Variants in CD160 observed in about 807,000 individuals in gnomAD.
CD160 encodes the protein CD160 antigen.
In CD160, 11 loss-of-function variants were observed where a neutral mutation model predicts 19.2. The observed-to-expected ratio is 0.57, with a 90% CI of 0.36 to 0.95. The LOEUF (loss-of-function observed/expected upper bound fraction) is 0.95. Ranked by LOEUF, CD160 falls within the 40% of genes least tolerant of loss-of-function variation. The pLI, the probability that CD160 is intolerant of heterozygous loss-of-function variation, is 0.01. For synonymous variants in CD160, 75 were observed against 81.1 expected (o/e 0.93, Z 0.40); for missense variants, 182 against 213.2 (o/e 0.85, Z 0.91).
chr1:145,732,391 G>A (rs190294062), intron 4 of CD160, among the ~76,000 whole-genome samples: 2 of 152,230 alleles, frequency 1.3e-5, no homozygotes, highest in Admixed American at 6.5e-5. Flanking sequence ...AGTCTAACAA[G>A]GAAGTTCTAG....
chr1:145,728,061 C>T (rs113338650), intron 2 of CD160, among the ~76,000 whole-genome samples, 195 bp from the exon 3 acceptor site: 283 of 152,140 alleles, frequency 1.9e-3, no homozygotes, highest in Admixed American at 8.3e-3. Context: ...TTAGTGTCTC[C>T]CTATGCCCCT....
intron 5 of CD160, chr1:145,737,883 A>C (rs1657557420): frequency 6.6e-6 from 1 of 152,180 alleles, no homozygotes; most frequent in Non-Finnish European, 1.5e-5. Flanking sequence ...TAACCAAAGG[A>C]AAAAACCAAA....
chr1:145,731,670 C>CA (rs1559093904), intron 4 of CD160, among the ~76,000 whole-genome samples: 1 of 151,784 alleles, frequency 6.6e-6, no homozygotes, highest in African/African-American at 2.4e-5. Flanking sequence ...AACTGTGTCT[C>CA]AAAAAAATAA....
chr1:145,737,929 C>T (rs1165095037), intron 5 of CD160: 1 of 152,190 alleles, frequency 6.6e-6, no homozygotes, highest in Non-Finnish European at 1.5e-5. Flanking sequence ...ATATACACTA[C>T]TTAGAAGCTT....
chr1:145,733,386 G>A (rs988860924), intron 4 of CD160, among the ~76,000 whole-genome samples: 4 of 152,130 alleles, frequency 2.6e-5, no homozygotes, highest in East Asian at 3.9e-4. Context: ...TGATCTATCC[G>A]CCTCAGCCTA....
In CD160 at chr1:145,738,538, G is replaced by A. The variant is rs1559097262; in HGVS notation, c.*45G>A. The A allele has an allele frequency of 7.9e-7, 1 of 1,262,352 alleles. No homozygotes were observed. The highest frequency in any genetic ancestry group is 1.0e-6 in the Non-Finnish European group (1 of 973,688). The allele number at this position is 1,262,352 out of a possible 1,614,324, so 78.2% of individuals were successfully genotyped here. ...TTTTAAAACAGCTACAGCAAGATGAGTCTGACTATGGCTTAGTATCTTTCT... is the reference window on the plus strand; with the variant it reads ...TTTTAAAACAGCTACAGCAAGATGAATCTGACTATGGCTTAGTATCTTTCT... On this transcript the variant is annotated 3_prime_UTR_variant, in exon 6 of 6. Coordinates refer to ENST00000369288, the MANE Select transcript of CD160 (RefSeq NM_007053.4).
chr1:145,733,849 C>T (rs782350340), intron 4 of CD160, among the ~76,000 whole-genome samples: 27 of 152,162 alleles, frequency 1.8e-4, no homozygotes, highest in Non-Finnish European at 3.1e-4. Flanking sequence ...CATCTACCCA[C>T]GATTTAAACC....
chr1:145,733,163 T>C (rs587624835), intron 4 of CD160, among the ~76,000 whole-genome samples: 1 of 152,104 alleles, frequency 6.6e-6, no homozygotes, highest in Non-Finnish European at 1.5e-5. Context: ...AGACAGACTC[T>C]CACTCTGTGG....
Position 145,736,138 on chromosome 1 carries a change from T to C in CD160, c.538+4T>C, listed in dbSNP as rs372472706. On this transcript the variant is annotated splice_donor_region_variant and intron_variant, in intron 5 of 5. Transcript: ENST00000369288. ...ACCAGCCTTGTGGCCCTTCAAGGTATGTCCAAAAGAGCCGTAAGCACCCCA... is the reference window on the plus strand; with the variant it reads ...ACCAGCCTTGTGGCCCTTCAAGGTACGTCCAAAAGAGCCGTAAGCACCCCA... 3.7e-6 allele frequency: 6 copies of C among 1,614,066 alleles called. No individual in the cohort carries two copies. The African/African-American group carries it at 8.0e-5, about 22-fold the overall frequency.
Position 145,738,633 on chromosome 1 carries a change from G to A in CD160, c.*140G>A. The A allele has an allele frequency of 1.9e-6, 1 of 531,040 alleles. No individual in the cohort carries two copies. Among genetic ancestry groups the A allele is most frequent in the South Asian group, 7.1e-5 (1 of 14,118 alleles). 32.9% of individuals were successfully genotyped at this position (531,040 alleles called of 1,614,324 possible). A position where few individuals can be genotyped will look rare whatever the true frequency, so the allele number is the denominator to read the frequency against. On this transcript the variant is annotated 3_prime_UTR_variant, in exon 6 of 6. Transcript: ENST00000369288. The stretch of plus-strand genomic sequence containing the variant: ...GAGATGCTAAATATACCAAGAATCT[G>A]TGGAAATATAAGCTGGGGCAAATCA...
intron 2 of CD160, among the ~76,000 whole-genome samples, chr1:145,726,117 A>G (rs9659725): frequency 0.013 from 2,053 of 152,320 alleles, 27 homozygotes; most frequent in Middle Eastern, 0.078. Context: ...AGAAATAGGA[A>G]TGCTTTTACA....
At chr1:145,722,490 C>T (rs1050939549) in intron 1 of CD160, among the ~76,000 whole-genome samples, 1 of 152,186 alleles carries the variant, frequency 6.6e-6, no homozygotes, top group Non-Finnish European at 1.5e-5. Flanking sequence ...ATAGATGCTC[C>T]GTGTTTCTGA....
rs1454063650 is a variant in CD160 at position 145,739,236 on chromosome 1, G to A, written c.*743G>A. 9 of 152,254 alleles carry A rather than the reference G, an allele frequency of 5.9e-5. No individual in the cohort carries two copies. Among genetic ancestry groups the A allele is most frequent in the African/African-American group, 2.2e-4 (9 of 41,452 alleles). The allele number at this position is 152,254 out of a possible 1,614,324, so 9.4% of individuals were successfully genotyped here. ...GATGACCTCTTGTCATAGTTAAGCAGAGAGTGGGCAGGATATTCCTGATAG... is the reference window on the plus strand; with the variant it reads ...GATGACCTCTTGTCATAGTTAAGCAAAGAGTGGGCAGGATATTCCTGATAG... On this transcript the variant is annotated 3_prime_UTR_variant, in exon 6 of 6. Coordinates refer to ENST00000369288, the MANE Select transcript of CD160 (RefSeq NM_007053.4).
chr1:145,734,101 C>T (rs1358974348), intron 4 of CD160, among the ~76,000 whole-genome samples: 2 of 152,114 alleles, frequency 1.3e-5, no homozygotes, highest in African/African-American at 2.4e-5. Context: ...GCTGTTCTTC[C>T]GCACAGCAGT....
chr1:145,723,313 C>T (rs147773615), intron 1 of CD160, among the ~76,000 whole-genome samples: 381 of 152,168 alleles, frequency 2.5e-3, no homozygotes, highest in African/African-American at 8.4e-3. Context: ...AGGTCCTATT[C>T]GGAATGTTGT....
At chr1:145,720,105 C>G (rs1553707617) in intron 1 of CD160, among the ~76,000 whole-genome samples, 9 of 152,198 alleles carry the variant, frequency 5.9e-5, no homozygotes, top group Non-Finnish European at 5.9e-5. Flanking sequence ...AATTTGCCAT[C>G]AATAGAAAAC....
intron 4 of CD160, 124 bp downstream of exon 4, chr1:145,731,194 A>G: frequency 1.4e-6 from 1 of 736,438 alleles, no homozygotes; most frequent in Admixed American, 2.3e-5. Flanking sequence ...CTTTTCCAAC[A>G]TCCCCATTGG....
intron 1 of CD160, among the ~76,000 whole-genome samples, chr1:145,721,721 TCTC>T (rs200971174): frequency 0.023 from 3,515 of 152,090 alleles, 153 homozygotes; most frequent in African/African-American, 0.08. Context: ...GGAAGCCAGA[TCTC>T]CTCAGCCCAT....
intron 2 of CD160, among the ~76,000 whole-genome samples, chr1:145,725,480 T>G (rs1657023057): frequency 6.6e-6 from 1 of 152,102 alleles, no homozygotes; most frequent in African/African-American, 2.4e-5. Flanking sequence ...CCAAATGGCT[T>G]CAGTTTTTGT....
Sources: allele counts gnomAD v4.1 joint callset (sites outside exome capture counted in the v4.1 genomes callset), GRCh38; gene constraint gnomAD v4.1.1; transcripts MANE v1.5; gene names NCBI Gene and HGNC (gene_info 2026-07-23, HGNC 2026-07-21).